Variants in QPRT observed in about 807,000 individuals in gnomAD.
QPRT encodes nicotinate-nucleotide pyrophosphorylase [carboxylating].
QPRT carries 17 observed loss-of-function variants against 19.8 expected under a neutral mutation model. The ratio of observed to expected loss-of-function variants is 0.86; its 90% confidence interval spans 0.59 to 1.29. QPRT has a LOEUF of 1.29. QPRT is among the 50% of genes most tolerant of loss of function. QPRT has a pLI of 0.00. For missense variants in QPRT, 336 were observed against 405.1 expected, an observed-to-expected ratio of 0.83 and a Z score of 1.46; for synonymous variants, 178 against 191.0, an observed-to-expected ratio of 0.93 and a Z score of 0.56.
chr16:29,683,027 C>CTT (rs1427797545), intron 1 of QPRT, among the ~76,000 whole-genome samples: 7 of 136,256 alleles, frequency 5.1e-5, no homozygotes, highest in South Asian at 2.3e-4. Context: ...CTGACTGATT[C>CTT]TTTTTTTTTT....
intron 1 of QPRT, among the ~76,000 whole-genome samples, chr16:29,681,211 C>T (rs1052488517): frequency 2.6e-5 from 4 of 152,250 alleles, no homozygotes; most frequent in South Asian, 2.1e-4. Flanking sequence ...AGTGGAAACC[C>T]TGGCAAGTTT....
intron 2 of QPRT, chr16:29,696,777 T>G: frequency 1.9e-6 from 1 of 516,786 alleles, no homozygotes; most frequent in Non-Finnish European, 3.4e-6. Flanking sequence ...TGAGACCCTG[T>G]CTCAAAAACA....
rs899066776 is a variant in QPRT at position 29,697,713 on chromosome 16, C to T, written c.*302C>T. ...AGAAGTTACCTGGGACAGCCGGGCA[C>T]GATGGCTCACACCTGTAATCCCAGC... On this transcript the variant is annotated 3_prime_UTR_variant, in exon 4 of 4. Transcript: ENST00000395384. The surrounding 1 kb of genome is among the most constrained non-coding windows in gnomAD (Gnocchi z 4.4). The T allele has an allele frequency of 1.2e-5, 4 of 329,918 alleles. No homozygotes were observed. The highest frequency in any genetic ancestry group is 1.7e-5 in the Non-Finnish European group (3 of 179,870). The allele number at this position is 329,918 out of a possible 1,614,324, so 20.4% of individuals were successfully genotyped here.
chr16:29,685,268 C>T (rs529533475), intron 1 of QPRT, among the ~76,000 whole-genome samples: 5 of 152,044 alleles, frequency 3.3e-5, no homozygotes, highest in South Asian at 2.1e-4. Context: ...GTCAAGAGTT[C>T]AAGAACCAGC....
chr16:29,687,719 CT>C (rs1781303455), intron 1 of QPRT, among the ~76,000 whole-genome samples: 1 of 151,796 alleles, frequency 6.6e-6, no homozygotes, highest in Non-Finnish European at 1.5e-5. Flanking sequence ...GGGTCCATCC[CT>C]TTTCCATTGC....
At chr16:29,688,970 G>A (rs1236893107) in intron 1 of QPRT, among the ~76,000 whole-genome samples, 1 of 151,014 alleles carries the variant, frequency 6.6e-6, no homozygotes, top group African/African-American at 2.4e-5. Context: ...TAGGAGAGAC[G>A]GGGTTTCATA....
At chr16:29,688,782 CTTTT>C (rs201491801) in intron 1 of QPRT, among the ~76,000 whole-genome samples, 6 of 133,832 alleles carry the variant, frequency 4.5e-5, no homozygotes, top group Non-Finnish European at 1.6e-5. Flanking sequence ...TTTTTATTCT[CTTTT>C]TTTTTTTTTT....
intron 1 of QPRT, among the ~76,000 whole-genome samples, chr16:29,680,224 G>A (rs1243284000): frequency 2.6e-5 from 4 of 152,022 alleles, no homozygotes. Context: ...CCAAAGTGCT[G>A]GGATTACAGG....
At chr16:29,696,865 G>A in intron 2 of QPRT, 131 bp from the exon 3 acceptor site, 2 of 1,096,632 alleles carry the variant, frequency 1.8e-6, no homozygotes, top group East Asian at 2.7e-5. Context: ...CTTTTCAAAT[G>A]TCAGTCCCGG....
At chr16:29,694,548 A>G in intron 1 of QPRT, 116 bp from the exon 2 acceptor site, 3 of 1,109,010 alleles carry the variant, frequency 2.7e-6, no homozygotes, top group East Asian at 2.8e-5. Context: ...TGGGACCCCT[A>G]GATCTTGAGG....
chr16:29,679,101 G>A, upstream of QPRT: 2 of 1,609,378 alleles, frequency 1.2e-6, no homozygotes, highest in Non-Finnish European at 1.7e-6. Flanking sequence ...AGCTTGATGG[G>A]CCCTCCCTCC....
chr16:29,682,206 A>AT (rs71143749), intron 1 of QPRT, among the ~76,000 whole-genome samples: 49,040 of 145,340 alleles, frequency 0.34, 8,714 homozygotes, highest in East Asian at 0.59. Context: ...ATTAAAATAA[A>AT]TTTTTTTTTT....
Position 29,695,056 on chromosome 16 carries a change from G to A in QPRT, c.406G>A (p.Gly136Ser), listed in dbSNP as rs762852677. 1.2e-6 allele frequency: 2 copies of A among 1,605,816 alleles called. No homozygotes were observed. The highest frequency in any genetic ancestry group is 1.7e-6 in the Non-Finnish European group (2 of 1,179,158). The change falls in exon 2 of 4, where the codon GGC becomes AGC. Residue 136 changes from glycine to serine, a missense_variant. Gly to Ser is a moderately conservative substitution (Grantham distance 56, BLOSUM62 0). Transcript: ENST00000395384. ...GGCCGGCTGGACTGGGCACGTGGCAGGCACGAGGAAGACCACGCCAGGCTT... is the reference window on the plus strand; with the variant it reads ...GGCCGGCTGGACTGGGCACGTGGCAAGCACGAGGAAGACCACGCCAGGCTT... Reference protein sequence around the residue: ...RGAGWTGHVAGTRKTTPGFRL... With the variant: ...RGAGWTGHVASTRKTTPGFRL...
chr16:29,694,095 C>T (rs768252012), intron 1 of QPRT, among the ~76,000 whole-genome samples: 7 of 151,836 alleles, frequency 4.6e-5, no homozygotes, highest in Non-Finnish European at 8.8e-5. Flanking sequence ...GGATTACAGT[C>T]GTGAGCCACC....
chr16:29,695,079 C>A lies in QPRT; in HGVS notation c.429C>A (p.Gly143=). The A allele has an allele frequency of 6.2e-7, 1 of 1,606,228 alleles. No homozygotes were observed. Among genetic ancestry groups the A allele is most frequent in the Admixed American group, 1.7e-5 (1 of 58,878 alleles). ...HVAGTRKTTP[G]FRLVEKYGLL... is the part of the protein sequence containing the mutation. ...CAGGCACGAGGAAGACCACGCCAGG[C>A]TTCCGGCTGGTGGAGAAGTATGGGC... Residue 143 remains glycine, a synonymous_variant, in exon 2 of 4, where the codon GGC becomes GGA. Coordinates refer to ENST00000395384, the MANE Select transcript of QPRT (RefSeq NM_014298.6).
At position 29,691,102 on chromosome 16, in the gene QPRT, C is replaced by T. The variant is rs1412618555; in HGVS notation, c.14-3562C>T. ...CAGTCTGGCCAGGCACGGTGGCTCACGCCTGTAATCCCAGCACTTTGGGAG... is the reference window on the plus strand; with the variant it reads ...CAGTCTGGCCAGGCACGGTGGCTCATGCCTGTAATCCCAGCACTTTGGGAG... On this transcript the variant is annotated intron_variant, in intron 1 of 3. Transcript: ENST00000395384. 2.0e-5 allele frequency among the ~76,000 whole-genome samples: 3 copies of T among 151,598 alleles called. No individual in the cohort carries two copies. In the East Asian group the frequency reaches 5.8e-4, roughly 30 times the overall value.
At chr16:29,689,165 G>T (rs1027540681) in intron 1 of QPRT, among the ~76,000 whole-genome samples, 1 of 145,730 alleles carries the variant, frequency 6.9e-6, no homozygotes, top group Non-Finnish European at 1.5e-5. Context: ...CGCAATCTCA[G>T]CTCATTGCAA....
intron 1 of QPRT, among the ~76,000 whole-genome samples, chr16:29,686,057 A>G (rs1236516781): frequency 1.3e-5 from 2 of 151,982 alleles, no homozygotes; most frequent in East Asian, 3.9e-4. Flanking sequence ...ACGGGGTTTC[A>G]CCATGTTGGT....
chr16:29,693,219 C>T (rs1258006233), intron 1 of QPRT, among the ~76,000 whole-genome samples: 1 of 152,084 alleles, frequency 6.6e-6, no homozygotes, highest in African/African-American at 2.4e-5. Context: ...AATAGTAGGT[C>T]TTATTCATTC....
Sources: gnomAD v4.1 joint callset for allele counts (sites outside exome capture counted in the v4.1 genomes callset) on GRCh38, gnomAD v4.1.1 for gene constraint, Gnocchi (gnomAD v3.1) non-coding constraint, MANE v1.5 for transcripts, NCBI Gene and HGNC (gene_info 2026-07-23, HGNC 2026-07-21) for gene names.